SCARA3: variants seen among roughly 807,000 people sequenced by gnomAD.
The protein encoded by SCARA3 is cellular stress response gene protein.
A neutral mutation model predicts 47.0 loss-of-function variants in SCARA3; 39 were observed. That is an observed-to-expected ratio of 0.83 (90% confidence interval 0.64 to 1.08). SCARA3 has a LOEUF of 1.08. Among genes scored for constraint, SCARA3 ranks in the 50% least tolerant of loss-of-function variants. SCARA3 has a pLI of 0.00. For missense variants in SCARA3, 724 were observed against 792.3 expected (o/e 0.91, Z 1.04); for synonymous variants, 356 against 334.1 (o/e 1.07, Z -0.71).
intron 1 of SCARA3, among the ~76,000 whole-genome samples, chr8:27,634,602 G>T (rs866973225): frequency 6.6e-6 from 1 of 152,038 alleles, no homozygotes; most frequent in African/African-American, 2.4e-5. Flanking sequence ...ATCCCCCACC[G>T]AGCCTTTCAA....
At chr8:27,664,307 G>C (rs974289015) in intron 5 of SCARA3, among the ~76,000 whole-genome samples, 1 of 152,198 alleles carries the variant, frequency 6.6e-6, no homozygotes, top group African/African-American at 2.4e-5. Context: ...GCAATTTAAA[G>C]CTTTCCTGAT....
intron 5 of SCARA3, among the ~76,000 whole-genome samples, chr8:27,670,633 C>T (rs938764732): frequency 2.6e-5 from 4 of 152,060 alleles, no homozygotes; most frequent in Non-Finnish European, 5.9e-5. Flanking sequence ...ACAGGCAATC[C>T]TGGACAACCT....
At chr8:27,719,653 G>C in the SCARA3 span, among the ~76,000 whole-genome samples, 2 of 152,148 alleles carry the variant, frequency 1.3e-5, no homozygotes, top group Non-Finnish European at 2.9e-5. Context: ...TAGCAAAGGA[G>C]TCGAAAAGAC....
the SCARA3 span, among the ~76,000 whole-genome samples, chr8:27,708,928 C>G: frequency 6.6e-6 from 1 of 152,130 alleles, no homozygotes; most frequent in African/African-American, 2.4e-5. Flanking sequence ...GTGGAAGTCT[C>G]TAACAGAGTA....
At chr8:27,721,345 GCA>G in the SCARA3 span, among the ~76,000 whole-genome samples, 1 of 152,024 alleles carries the variant, frequency 6.6e-6, no homozygotes, top group African/African-American at 2.4e-5. Flanking sequence ...TATGAACCGG[GCA>G]CTGTTCTAGG....
the SCARA3 span, among the ~76,000 whole-genome samples, chr8:27,710,557 C>A: frequency 6.6e-6 from 1 of 152,154 alleles, no homozygotes; most frequent in African/African-American, 2.4e-5. Context: ...CATGGCCGCA[C>A]GTCTTTCAAC....
At position 27,634,160 on chromosome 8, in the gene SCARA3, G is replaced by T; in HGVS notation, c.-41G>T. ...GCCCGGCTCCACTACAGCTCCAGCC[G>T]CCTGCAGCGGGGCCCTCCTGAGGCC... On this transcript the variant is annotated 5_prime_UTR_variant, in exon 1 of 6. Coordinates refer to ENST00000301904, the MANE Select transcript of SCARA3 (RefSeq NM_016240.3). 5 of 1,448,584 alleles carry T rather than the reference G, an allele frequency of 3.5e-6. No homozygotes were observed. Among genetic ancestry groups the T allele is most frequent in the Non-Finnish European group, 4.5e-6 (5 of 1,105,024 alleles). The allele number at this position is 1,448,584 out of a possible 1,614,324, so 89.7% of individuals were successfully genotyped here.
chr8:27,654,685 G>A (rs903609937), intron 3 of SCARA3, among the ~76,000 whole-genome samples: 1 of 151,718 alleles, frequency 6.6e-6, no homozygotes, highest in Admixed American at 6.6e-5. Flanking sequence ...GGCTACTTAC[G>A]AGGCTGAAGT....
chr8:27,706,767 G>A, the SCARA3 span, among the ~76,000 whole-genome samples: 1 of 152,156 alleles, frequency 6.6e-6, no homozygotes, highest in Non-Finnish European at 1.5e-5. Context: ...GAGGCTTGGA[G>A]GTGGGAGGAG....
At chr8:27,645,793 T>C (rs1439729712) in intron 1 of SCARA3, among the ~76,000 whole-genome samples, 1 of 152,206 alleles carries the variant, frequency 6.6e-6, no homozygotes, top group East Asian at 1.9e-4. Flanking sequence ...TAACCCTGCT[T>C]GGCCTAGTTC....
chr8:27,698,933 T>A, the SCARA3 span, among the ~76,000 whole-genome samples: 1 of 152,060 alleles, frequency 6.6e-6, no homozygotes, highest in East Asian at 1.9e-4. Context: ...TGTTCATGTA[T>A]AAGAAAACTC....
downstream of SCARA3, chr8:27,673,064 C>G (rs1481968597): frequency 3.3e-6 from 3 of 916,618 alleles, no homozygotes; most frequent in African/African-American, 5.4e-5. Context: ...GGGCATGATG[C>G]CTTCAGGGCT....
At chr8:27,713,525 TA>T in the SCARA3 span, among the ~76,000 whole-genome samples, 993 of 152,324 alleles carry the variant, frequency 6.5e-3, 10 homozygotes, top group African/African-American at 0.023. Context: ...TTTTCATCGG[TA>T]TGTACTCATG....
At chr8:27,692,253 T>G in the SCARA3 span, among the ~76,000 whole-genome samples, 3 of 152,040 alleles carry the variant, frequency 2.0e-5, no homozygotes, top group Non-Finnish European at 4.4e-5. Context: ...AACCCCCGTC[T>G]CTACTAAAAA....
intron 1 of SCARA3, among the ~76,000 whole-genome samples, chr8:27,648,746 G>A (rs1454631957): frequency 6.6e-6 from 1 of 151,766 alleles, no homozygotes; most frequent in Admixed American, 6.6e-5. Context: ...GTGAAAGAAA[G>A]CAGGGAATCC....
At chr8:27,688,524 T>C in the SCARA3 span, among the ~76,000 whole-genome samples, 1 of 152,026 alleles carries the variant, frequency 6.6e-6, no homozygotes, top group Non-Finnish European at 1.5e-5. Context: ...AGTGAGATTC[T>C]GTCTCTACAA....
At chr8:27,643,396 C>T (rs1281751561) in intron 1 of SCARA3, among the ~76,000 whole-genome samples, 1 of 151,918 alleles carries the variant, frequency 6.6e-6, no homozygotes, top group Non-Finnish European at 1.5e-5. Flanking sequence ...AAAAAAGGGG[C>T]GAGTGCTGGA....
chr8:27,663,927 G>A (rs1404902535), intron 5 of SCARA3, among the ~76,000 whole-genome samples: 2 of 152,160 alleles, frequency 1.3e-5, no homozygotes, highest in African/African-American at 4.8e-5. Context: ...CTAGAAATAC[G>A]CACTCTAATG....
chr8:27,719,375 T>C, the SCARA3 span, among the ~76,000 whole-genome samples: 1 of 152,052 alleles, frequency 6.6e-6, no homozygotes, highest in African/African-American at 2.4e-5. Flanking sequence ...ACTGGGGACT[T>C]TCAGAGGGTG....
Sources: allele counts gnomAD v4.1 joint callset (sites outside exome capture counted in the v4.1 genomes callset), GRCh38; gene constraint gnomAD v4.1.1; transcripts MANE v1.5; gene names NCBI Gene and HGNC (gene_info 2026-07-23, HGNC 2026-07-21).